The following MMP26 variants were observed in gnomAD, a reference collection of about 807,000 sequenced individuals.
The protein encoded by MMP26 is matrix metalloproteinase-26.
Under a neutral mutation model 31.0 loss-of-function variants are expected in MMP26, and 33 were observed. The ratio of observed to expected loss-of-function variants is 1.06; its 90% confidence interval spans 0.81 to 1.42. MMP26 has a LOEUF of 1.42. MMP26 is among the 40% of genes most tolerant of loss of function. The pLI is 0.00. For synonymous variants in MMP26, 122 were observed against 114.9 expected, an observed-to-expected ratio of 1.06 and a Z score of -0.40; for missense variants, 347 against 316.1, an observed-to-expected ratio of 1.10 and a Z score of -0.74.
At chr11:4,976,860 G>T (rs180751085) in intron 2 of MMP26, among the ~76,000 whole-genome samples, 2 of 152,076 alleles carry the variant, frequency 1.3e-5, no homozygotes, top group African/African-American at 2.4e-5. Flanking sequence ...GCAGTTATAG[G>T]TTCTTCTGGA....
intron 2 of MMP26, among the ~76,000 whole-genome samples, chr11:4,929,873 A>G (rs1307320097): frequency 6.6e-6 from 1 of 152,114 alleles, no homozygotes; most frequent in Non-Finnish European, 1.5e-5. Flanking sequence ...TCAGTTAAGA[A>G]GTTCAGCATT....
intron 2 of MMP26, among the ~76,000 whole-genome samples, chr11:4,843,116 G>A (rs977275083): frequency 2.6e-5 from 4 of 152,210 alleles, no homozygotes; most frequent in Non-Finnish European, 5.9e-5. Flanking sequence ...TACAGCCCCT[G>A]CAGTTGCTTT....
intron 2 of MMP26, chr11:4,943,823 C>T: frequency 2.3e-6 from 1 of 442,790 alleles, no homozygotes; most frequent in Non-Finnish European, 4.5e-6. Flanking sequence ...ATTTATGTAT[C>T]TTTATTTTAT....
intron 2 of MMP26, among the ~76,000 whole-genome samples, chr11:4,962,557 C>A (rs1392160929): frequency 1.3e-5 from 2 of 152,126 alleles, no homozygotes; most frequent in Non-Finnish European, 2.9e-5. Flanking sequence ...ATATCTCTAC[C>A]CCCAAACAAC....
At chr11:4,790,033 T>C (rs1413675722) in intron 2 of MMP26, among the ~76,000 whole-genome samples, 1 of 152,130 alleles carries the variant, frequency 6.6e-6, no homozygotes, top group Middle Eastern at 3.2e-3. Flanking sequence ...AAAATTATAA[T>C]ACACAACTAT....
chr11:4,834,351 A>G (rs1426654353), intron 2 of MMP26, among the ~76,000 whole-genome samples: 1 of 152,046 alleles, frequency 6.6e-6, no homozygotes, highest in Non-Finnish European at 1.5e-5. Context: ...CCCTAGTCTC[A>G]CCTCTCACTT....
chr11:4,922,165 CTTAA>C (rs138774519), intron 2 of MMP26, among the ~76,000 whole-genome samples: 209 of 152,302 alleles, frequency 1.4e-3, no homozygotes, highest in African/African-American at 4.8e-3. Flanking sequence ...AAATGATCAA[CTTAA>C]TTGATAATTT....
At chr11:4,915,224 C>A (rs757898693) in intron 2 of MMP26, 10 of 1,613,808 alleles carry the variant, frequency 6.2e-6, no homozygotes, top group Non-Finnish European at 7.6e-6. Flanking sequence ...GCCAATCCTG[C>A]CAATGACTGT....
chr11:4,748,240 A>G (rs1848404971), intron 1 of MMP26, among the ~76,000 whole-genome samples: 1 of 152,118 alleles, frequency 6.6e-6, no homozygotes, highest in Non-Finnish European at 1.5e-5. Flanking sequence ...CAAAGACTGA[A>G]CCAGAAAGAA....
At chr11:4,891,764 G>A (rs1307041061) in intron 2 of MMP26, among the ~76,000 whole-genome samples, 1 of 152,140 alleles carries the variant, frequency 6.6e-6, no homozygotes, top group Non-Finnish European at 1.5e-5. Flanking sequence ...GAGATTCTTG[G>A]ATTTTCTCTA....
chr11:4,709,468 C>G (rs571357184), intron 1 of MMP26: 7 of 353,706 alleles, frequency 2.0e-5, no homozygotes, highest in African/African-American at 1.3e-4. Flanking sequence ...CTCTAGTGAT[C>G]ACAAATTGTA....
intron 2 of MMP26, among the ~76,000 whole-genome samples, chr11:4,857,314 T>C (rs1395199085): frequency 6.6e-6 from 1 of 151,438 alleles, no homozygotes; most frequent in Non-Finnish European, 1.5e-5. Flanking sequence ...ATTAACAAAA[T>C]TGATAGACTG....
At chr11:4,724,559 G>C (rs758073534) in intron 1 of MMP26, among the ~76,000 whole-genome samples, 6 of 152,146 alleles carry the variant, frequency 3.9e-5, no homozygotes, top group Non-Finnish European at 8.8e-5. Context: ...TTAGAAATTT[G>C]CCTTTCTAAT....
intron 2 of MMP26, among the ~76,000 whole-genome samples, chr11:4,894,939 TA>T (rs1850678771): frequency 1.3e-5 from 2 of 152,222 alleles, no homozygotes; most frequent in Non-Finnish European, 2.9e-5. Flanking sequence ...CTCTGTGGCA[TA>T]ATTTATGAAC....
At chr11:4,894,206 G>A (rs1318344628) in intron 2 of MMP26, among the ~76,000 whole-genome samples, 1 of 152,012 alleles carries the variant, frequency 6.6e-6, no homozygotes, top group East Asian at 1.9e-4. Context: ...CATTATGCTA[G>A]ATGTTTTATA....
chr11:4,736,098 C>T (rs1188658257), intron 1 of MMP26: 1 of 152,088 alleles, frequency 6.6e-6, no homozygotes, highest in Non-Finnish European at 1.5e-5. Context: ...ATTGATTAAA[C>T]ACTATGTCTT....
rs141328236 is a variant in MMP26, at chr11:4,769,791, C to T, written c.-145+2450C>T. ...ATGACAAACAGGATCACGCTGTTCCCAGAGAGGGCAATGGCATAAAAACAA... is the reference window on the plus strand; with the variant it reads ...ATGACAAACAGGATCACGCTGTTCCTAGAGAGGGCAATGGCATAAAAACAA... On this transcript the variant is annotated intron_variant, in intron 2 of 7. Coordinates refer to ENST00000380390, the MANE Select transcript of MMP26 (RefSeq NM_021801.5). 3.1e-5 allele frequency: 50 copies of T among 1,613,408 alleles called. No individual in the cohort carries two copies. The highest frequency in any genetic ancestry group is 1.6e-4 in the Middle Eastern group (1 of 6,084).
chr11:4,793,256 C>A (rs555220306), intron 2 of MMP26, among the ~76,000 whole-genome samples: 2 of 152,246 alleles, frequency 1.3e-5, no homozygotes, highest in South Asian at 4.1e-4. Context: ...ACCCCTAGTT[C>A]TTTACTGTGA....
intron 2 of MMP26, among the ~76,000 whole-genome samples, chr11:4,864,998 G>T (rs978778075): frequency 1.3e-5 from 2 of 152,042 alleles, no homozygotes; most frequent in African/African-American, 4.8e-5. Context: ...CTTAGGGAAA[G>T]TTATTTAACC....
Sources: gnomAD v4.1 joint callset for allele counts (sites outside exome capture counted in the v4.1 genomes callset) on GRCh38, gnomAD v4.1.1 for gene constraint, MANE v1.5 for transcripts, NCBI Gene and HGNC (gene_info 2026-07-23, HGNC 2026-07-21) for gene names.